SCFD2: variants seen among roughly 807,000 people sequenced by gnomAD.
The protein encoded by SCFD2 is sec1 family domain containing 2, also known as sec1 family domain-containing protein 2.
SCFD2 carries 54 observed loss-of-function variants against 58.9 expected under a neutral mutation model. The observed-to-expected ratio is 0.92, with a 90% confidence interval of 0.74 to 1.15. SCFD2 has a LOEUF of 1.15. SCFD2 is among the 50% of genes most tolerant of loss of function. The probability of loss-of-function intolerance (pLI) is 0.00; values close to 1 mark genes in which losing one functional copy is unlikely to be tolerated. For missense variants in SCFD2, 805 were observed against 836.6 expected, an observed-to-expected ratio of 0.96 and a Z score of 0.47; for synonymous variants, 321 against 335.9, an observed-to-expected ratio of 0.96 and a Z score of 0.49.
At chr4:53,302,181 A>G (rs1439087200) in intron 3 of SCFD2, among the ~76,000 whole-genome samples, 329 of 150,954 alleles carry the variant, frequency 2.2e-3, no homozygotes, top group African/African-American at 7.9e-3. Context: ...TGCAGATGAC[A>G]TGATTGTATA....
At chr4:53,317,686 A>G (rs1732906825) in intron 2 of SCFD2, among the ~76,000 whole-genome samples, 1 of 152,218 alleles carries the variant, frequency 6.6e-6, no homozygotes, top group East Asian at 1.9e-4. Context: ...ATTACTAGGC[A>G]AGACTGCAGA....
chr4:53,278,507 C>T (rs965033916), intron 3 of SCFD2, among the ~76,000 whole-genome samples: 15 of 149,702 alleles, frequency 1.0e-4, no homozygotes, highest in African/African-American at 3.0e-4. Flanking sequence ...CCAGCCTGGG[C>T]GACAGAGTGA....
In SCFD2 at chr4:53,145,391, T is replaced by C. The variant is rs1342349996; in HGVS notation, c.1503A>G (p.Ala501=). The part of the protein sequence containing the change: ...LCEAEEKVKK[A]LAQVFCEESG... ...ATTCCTCACAGAAGACCTGAGCCAA[T>C]GCTTTCTTGACTTTTTCTTCTGCTT... The change falls in exon 5 of 9, where the codon GCA becomes GCG. Residue 501 remains alanine, a synonymous_variant. Transcript: ENST00000401642. The C allele has an allele frequency of 1.2e-6, 2 of 1,614,030 alleles. No homozygotes were observed. The highest frequency in any genetic ancestry group is 1.7e-6 in the Non-Finnish European group (2 of 1,180,018).
chr4:53,185,445 T>C (rs1453281922), intron 4 of SCFD2, among the ~76,000 whole-genome samples: 3 of 152,054 alleles, frequency 2.0e-5, no homozygotes, highest in East Asian at 3.9e-4. Flanking sequence ...TGGCACTCCA[T>C]TATGCTATAT....
chr4:53,083,604 A>T (rs553777053), intron 5 of SCFD2, among the ~76,000 whole-genome samples: 11 of 152,326 alleles, frequency 7.2e-5, no homozygotes, highest in African/African-American at 2.6e-4. Flanking sequence ...ATTCATCATT[A>T]TTGGGGGAAC....
At chr4:53,077,720 G>A (rs576727025) in intron 5 of SCFD2, among the ~76,000 whole-genome samples, 1 of 152,242 alleles carries the variant, frequency 6.6e-6, no homozygotes, top group South Asian at 2.1e-4. Context: ...TTACAGGCAT[G>A]AGCCACGGCG....
At chr4:52,965,844 T>C (rs533223643) in intron 5 of SCFD2, among the ~76,000 whole-genome samples, 1 of 152,336 alleles carries the variant, frequency 6.6e-6, no homozygotes, top group Admixed American at 6.5e-5. Context: ...GTGGTCTCTT[T>C]TCTATTATTT....
intron 5 of SCFD2, among the ~76,000 whole-genome samples, chr4:53,090,650 ATTCACTTATTC>A (rs1014565198): frequency 3.3e-5 from 5 of 152,198 alleles, no homozygotes; most frequent in African/African-American, 1.2e-4. Context: ...GTAACCATTC[ATTCACTTATTC>A]AACAAATATT....
chr4:53,060,339 T>C (rs1723473323), intron 5 of SCFD2, among the ~76,000 whole-genome samples: 1 of 152,102 alleles, frequency 6.6e-6, no homozygotes, highest in Non-Finnish European at 1.5e-5. Flanking sequence ...CAAGCTCTGA[T>C]CCATGAACGA....
At chr4:53,316,164 G>T (rs909666203) in intron 2 of SCFD2, among the ~76,000 whole-genome samples, 18 of 152,150 alleles carry the variant, frequency 1.2e-4, no homozygotes, top group African/African-American at 3.9e-4. Context: ...CTACTTACTG[G>T]GCTTTACTGT....
rs1308621725 is a variant in SCFD2, at chr4:52,895,135, G to T, written c.1843-9269C>A. Reference sequence around the variant, plus strand: ...GGTACAGATTGTATTTTCCAAAAGTGCCCATGACAGTATTTTCTGCTCCTC... The same window carrying T: ...GGTACAGATTGTATTTTCCAAAAGTTCCCATGACAGTATTTTCTGCTCCTC... On this transcript the variant is annotated intron_variant, in intron 7 of 8. Coordinates refer to ENST00000401642, the MANE Select transcript of SCFD2 (RefSeq NM_152540.4). Among the ~76,000 whole-genome samples the T allele has an allele frequency of 3.9e-5, 6 of 151,916 alleles. No homozygotes were observed. In the East Asian group the frequency reaches 1.2e-3, roughly 29 times the overall value.
chr4:53,007,047 G>A (rs190008067), intron 5 of SCFD2, among the ~76,000 whole-genome samples: 5 of 152,124 alleles, frequency 3.3e-5, no homozygotes, highest in East Asian at 3.9e-4. Context: ...TTGGGAGGCC[G>A]AAGTGGGAGG....
At chr4:53,167,460 T>G (rs1159289303) in intron 4 of SCFD2, among the ~76,000 whole-genome samples, 1 of 152,174 alleles carries the variant, frequency 6.6e-6, no homozygotes, top group Non-Finnish European at 1.5e-5. Context: ...AAATCTAACT[T>G]ACGGAGAATA....
At chr4:52,976,079 C>T (rs922255878) in intron 5 of SCFD2, among the ~76,000 whole-genome samples, 6 of 151,386 alleles carry the variant, frequency 4.0e-5, no homozygotes, top group Admixed American at 3.3e-4. Flanking sequence ...TGTTAAATGA[C>T]GAGTTAATGG....
chr4:52,893,767 T>C (rs1311376776), intron 7 of SCFD2, among the ~76,000 whole-genome samples: 1 of 152,218 alleles, frequency 6.6e-6, no homozygotes, highest in East Asian at 1.9e-4. Context: ...CATTCATTTA[T>C]ACTATTTATT....
chr4:53,342,871 C>T (rs1042627808), intron 2 of SCFD2, among the ~76,000 whole-genome samples: 38 of 152,100 alleles, frequency 2.5e-4, no homozygotes, highest in East Asian at 7.7e-4. Context: ...GGGTACATAA[C>T]GAAATGAAGG....
chr4:53,338,741 C>T (rs555890262), intron 2 of SCFD2, among the ~76,000 whole-genome samples: 17 of 151,492 alleles, frequency 1.1e-4, no homozygotes, highest in South Asian at 2.1e-4. Context: ...CCACTACGCC[C>T]GGCTAATTTT....
chr4:53,239,032 C>T lies in SCFD2; in HGVS notation c.1311+34794G>A, dbSNP rs559400381. On this transcript the variant is annotated intron_variant, in intron 4 of 8. Transcript: ENST00000401642. ...GGCGTCTGGGAGGTGGAGGTTGTAGCGAGCCGAGATCACGCTACTGCACTC... is the reference window on the plus strand; with the variant it reads ...GGCGTCTGGGAGGTGGAGGTTGTAGTGAGCCGAGATCACGCTACTGCACTC... 2.6e-3 allele frequency among the ~76,000 whole-genome samples: 400 copies of T among 151,918 alleles called. 1 individual carries two copies. Among genetic ancestry groups the T allele is most frequent in the African/African-American group, 9.3e-3 (384 of 41,420 alleles).
chr4:52,916,488 CGCT>C (rs1345016442), intron 6 of SCFD2, among the ~76,000 whole-genome samples: 1 of 152,164 alleles, frequency 6.6e-6, no homozygotes, highest in African/African-American at 2.4e-5. Context: ...GCATGAGAAT[CGCT>C]TGAACCTGGG....
Sources: allele counts gnomAD v4.1 joint callset (sites outside exome capture counted in the v4.1 genomes callset), GRCh38; gene constraint gnomAD v4.1.1; transcripts MANE v1.5; gene names NCBI Gene and HGNC (gene_info 2026-07-23, HGNC 2026-07-21).